The following ABCG1 variants were observed in gnomAD, a reference collection of about 807,000 sequenced individuals.
The protein encoded by ABCG1 is ATP binding cassette subfamily G member 1.
In ABCG1, 29 loss-of-function variants were observed where a neutral mutation model predicts 69.2. The observed-to-expected ratio is 0.42, with a 90% CI of 0.31 to 0.57. The LOEUF (loss-of-function observed/expected upper bound fraction) is 0.57. Among genes scored for constraint, ABCG1 ranks in the 20% least tolerant of loss-of-function variants. ABCG1 has a pLI of 0.15. For synonymous variants in ABCG1, 370 were observed against 374.8 expected, an observed-to-expected ratio of 0.99 and a Z score of 0.15; for missense variants, 718 against 898.1, an observed-to-expected ratio of 0.80 and a Z score of 2.56.
chr21:42,227,533 A>G (rs1601356348), intron 2 of ABCG1, among the ~76,000 whole-genome samples: 1 of 152,264 alleles, frequency 6.6e-6, no homozygotes, highest in East Asian at 1.9e-4. Context: ...TAAAATGAAG[A>G]TGGGTTGTAA....
At chr21:42,208,992 G>A (rs182330125) in intron 2 of ABCG1, among the ~76,000 whole-genome samples, 15 of 152,290 alleles carry the variant, frequency 9.8e-5, no homozygotes, top group Admixed American at 2.6e-4. Flanking sequence ...GGGGAGGGAG[G>A]CAGGAGGGTC....
intron 1 of ABCG1, among the ~76,000 whole-genome samples, chr21:42,200,057 G>A (rs577380511): frequency 6.6e-6 from 1 of 152,346 alleles, no homozygotes; most frequent in African/African-American, 2.4e-5. Flanking sequence ...GCCTGGATTT[G>A]GGAGATGCAG....
At chr21:42,234,328 G>T (rs983520889) in intron 2 of ABCG1, among the ~76,000 whole-genome samples, 4 of 152,184 alleles carry the variant, frequency 2.6e-5, no homozygotes, top group African/African-American at 9.7e-5. Flanking sequence ...AATAAAATAA[G>T]CTGGGTTGAG....
chr21:42,263,203 G>A (rs568367828), intron 2 of ABCG1, among the ~76,000 whole-genome samples: 3 of 152,330 alleles, frequency 2.0e-5, no homozygotes, highest in East Asian at 1.9e-4. Context: ...CCCAGCCACA[G>A]CAGCTAACAG....
chr21:42,257,271 C>G (rs2068321725), intron 2 of ABCG1, among the ~76,000 whole-genome samples: 1 of 152,208 alleles, frequency 6.6e-6, no homozygotes, highest in African/African-American at 2.4e-5. Context: ...CTCAAACTCC[C>G]CAGGAGATTC....
At chr21:42,270,132 C>T (rs375794676) in intron 2 of ABCG1, among the ~76,000 whole-genome samples, 45 of 152,128 alleles carry the variant, frequency 3.0e-4, no homozygotes, top group East Asian at 1.5e-3. Context: ...TGGTGGCAGG[C>T]GCCTCTAGTA....
At chr21:42,290,358 G>C in intron 11 of ABCG1, 140 bp downstream of exon 11, 1 of 944,812 alleles carries the variant, frequency 1.1e-6, no homozygotes, top group South Asian at 1.7e-5. Context: ...CTTCTTTGTT[G>C]ACAGATGCAA....
At position 42,296,547 on chromosome 21, in the gene ABCG1, C is replaced by T. The variant is rs557341847; in HGVS notation, c.*155C>T. ...GGTTTGTGGGTGTCTCGTGCTCAGC[C>T]ACTCTGCCCAGCTGGGTTGGATCTT... On this transcript the variant is annotated 3_prime_UTR_variant, in exon 15 of 15. Transcript: ENST00000398449. The surrounding 1 kb of genome is among the most constrained non-coding windows in gnomAD (Gnocchi z 5.4). 1 of 652,770 alleles carries T rather than the reference C, an allele frequency of 1.5e-6. No homozygotes were observed. The highest frequency in any genetic ancestry group is 2.7e-5 in the East Asian group (1 of 36,464). The allele number at this position is 652,770 out of a possible 1,614,324, so 40.4% of individuals were successfully genotyped here.
intron 13 of ABCG1, among the ~76,000 whole-genome samples, chr21:42,292,021 C>T (rs498754): frequency 2.2e-4 from 33 of 152,270 alleles, no homozygotes; most frequent in African/African-American, 7.7e-4. Context: ...ACACAGCTGA[C>T]TCGGGAGCCA....
chr21:42,206,491 A>G (rs537658528), intron 2 of ABCG1, among the ~76,000 whole-genome samples: 1 of 152,332 alleles, frequency 6.6e-6, no homozygotes, highest in East Asian at 1.9e-4. Flanking sequence ...TGTTTTATGG[A>G]TACTTGAATG....
At chr21:42,240,714 C>G (rs901985181) in intron 2 of ABCG1, among the ~76,000 whole-genome samples, 1 of 152,270 alleles carries the variant, frequency 6.6e-6, no homozygotes, top group Non-Finnish European at 1.5e-5. Context: ...TCCCAAAATG[C>G]TGGGATTACA....
intron 7 of ABCG1, among the ~76,000 whole-genome samples, chr21:42,285,492 C>T (rs943606189): frequency 4.7e-5 from 7 of 149,874 alleles, no homozygotes; most frequent in Admixed American, 3.3e-4. Context: ...GGCAACAGAG[C>T]AAGACCCTGT....
intron 2 of ABCG1, among the ~76,000 whole-genome samples, chr21:42,248,473 G>A (rs2123634338): frequency 6.6e-6 from 1 of 152,326 alleles, no homozygotes; most frequent in Non-Finnish European, 1.5e-5. Context: ...ATGAAGCTGA[G>A]TTGAAGATAC....
rs188592351 is a variant in ABCG1 at position 42,236,710 on chromosome 21, C to G, written c.286+10796C>G. The stretch of plus-strand genomic sequence containing the variant: ...AAATTACAGTTTCCAAGCCTAAACC[C>G]ACTAAGCCAACAGGGGCACACAGGA... On this transcript the variant is annotated intron_variant, in intron 2 of 14. Coordinates refer to ENST00000398449, the MANE Select transcript of ABCG1 (RefSeq NM_016818.3). Among the ~76,000 whole-genome samples the G allele has an allele frequency of 2.6e-5, 4 of 152,286 alleles. No individual in the cohort carries two copies. The East Asian group carries it at 7.7e-4, about 29-fold the overall frequency.
chr21:42,296,549 C>T lies in ABCG1; in HGVS notation c.*157C>T. 4 of 647,712 alleles carry T rather than the reference C, an allele frequency of 6.2e-6. No individual in the cohort carries two copies. In the South Asian group the frequency reaches 7.2e-5, roughly 12 times the overall value. 40.1% of individuals were successfully genotyped at this position (647,712 alleles called of 1,614,324 possible). On this transcript the variant is annotated 3_prime_UTR_variant, in exon 15 of 15. Transcript: ENST00000398449. The surrounding 1 kb of genome is among the most constrained non-coding windows in gnomAD (Gnocchi z 5.4). ...TTTGTGGGTGTCTCGTGCTCAGCCACTCTGCCCAGCTGGGTTGGATCTTCT... is the reference window on the plus strand; with the variant it reads ...TTTGTGGGTGTCTCGTGCTCAGCCATTCTGCCCAGCTGGGTTGGATCTTCT...
upstream of ABCG1, among the ~76,000 whole-genome samples, chr21:42,216,413 G>A (rs368208564): frequency 5.0e-4 from 76 of 152,270 alleles, no homozygotes; most frequent in Admixed American, 2.0e-3. Flanking sequence ...AGAATGCCTC[G>A]AAAAGTCTTG....
intron 2 of ABCG1, among the ~76,000 whole-genome samples, chr21:42,202,213 C>T (rs547648059): frequency 1.3e-5 from 2 of 152,268 alleles, no homozygotes; most frequent in African/African-American, 4.8e-5. Flanking sequence ...CCTCTGACTC[C>T]CCTCACCAGG....
chr21:42,268,150 T>C (rs774013421), intron 2 of ABCG1, among the ~76,000 whole-genome samples: 35 of 151,956 alleles, frequency 2.3e-4, no homozygotes, highest in Non-Finnish European at 3.7e-4. Context: ...AGAAAAACAG[T>C]GGAAGACAGT....
At chr21:42,233,692 C>T (rs2067933748) in intron 2 of ABCG1, among the ~76,000 whole-genome samples, 1 of 152,224 alleles carries the variant, frequency 6.6e-6, no homozygotes, top group African/African-American at 2.4e-5. Context: ...ATAAGAAGCA[C>T]ATGGCCCTTG....
Sources: allele counts gnomAD v4.1 joint callset (sites outside exome capture counted in the v4.1 genomes callset), GRCh38; gene constraint gnomAD v4.1.1; non-coding constraint Gnocchi (gnomAD v3.1); transcripts MANE v1.5; gene names NCBI Gene and HGNC (gene_info 2026-07-23, HGNC 2026-07-21).